Variants in COL4A4 observed in about 807,000 individuals in gnomAD.
The protein encoded by COL4A4 is collagen alpha-4(IV) chain.
COL4A4 carries 105 observed loss-of-function variants against 192.9 expected under a neutral mutation model. The ratio of observed to expected loss-of-function variants is 0.54; its 90% confidence interval spans 0.46 to 0.64. The LOEUF (loss-of-function observed/expected upper bound fraction) is 0.64. COL4A4 is among the 30% of genes least tolerant of loss of function. The pLI, the probability that COL4A4 is intolerant of heterozygous loss-of-function variation, is 0.00. For synonymous variants in COL4A4, 762 were observed against 769.9 expected, an observed-to-expected ratio of 0.99 and a Z score of 0.17; for missense variants, 1,967 against 2,169.3, an observed-to-expected ratio of 0.91 and a Z score of 1.85.
chr2:227,098,005 C>T (rs773196072), intron 19 of COL4A4, among the ~76,000 whole-genome samples: 17 of 152,180 alleles, frequency 1.1e-4, no homozygotes, highest in Non-Finnish European at 1.8e-4. Flanking sequence ...TATTAACCAG[C>T]GCAGCACCTG....
chr2:227,106,297 C>G (rs1483280932), intron 12 of COL4A4, among the ~76,000 whole-genome samples: 1 of 152,036 alleles, frequency 6.6e-6, no homozygotes, highest in African/African-American at 2.4e-5. Flanking sequence ...TTGAGATAAA[C>G]CTGAACAAAA....
At chr2:227,136,119 T>G (rs188262384) in intron 4 of COL4A4, among the ~76,000 whole-genome samples, 12 of 152,302 alleles carry the variant, frequency 7.9e-5, no homozygotes, top group Admixed American at 7.8e-4. Context: ...ACGTTTTACT[T>G]GTGTTCTCAT....
chr2:227,009,674 G>A (rs1963112802), intron 46 of COL4A4, among the ~76,000 whole-genome samples: 1 of 146,528 alleles, frequency 6.8e-6, no homozygotes, highest in Non-Finnish European at 1.5e-5. Context: ...CTCCAGCCTG[G>A]GCAACAGAGC....
At chr2:227,087,576 T>C (rs1380690311) in intron 22 of COL4A4, among the ~76,000 whole-genome samples, 1 of 152,136 alleles carries the variant, frequency 6.6e-6, no homozygotes, top group Non-Finnish European at 1.5e-5. Context: ...CTTCAAAATA[T>C]ATCCAGAATC....
At chr2:227,033,322 G>T in intron 38 of COL4A4, 88 bp downstream of exon 38, 1 of 1,123,916 alleles carries the variant, frequency 8.9e-7, no homozygotes, top group Non-Finnish European at 1.3e-6. Flanking sequence ...CAAATCTCAT[G>T]AAGTGCAGAA....
intron 37 of COL4A4, among the ~76,000 whole-genome samples, chr2:227,041,846 A>AGAGAGAGAGAGAG (rs1971273307): frequency 4.3e-4 from 17 of 39,320 alleles, no homozygotes; most frequent in African/African-American, 1.9e-3. Context: ...GAAAGAAAGA[A>AGAGAGAGAGAGAG]AGAGAAAGAA....
At chr2:226,984,309 C>G in the COL4A4 span, among the ~76,000 whole-genome samples, 1 of 152,212 alleles carries the variant, frequency 6.6e-6, no homozygotes, top group Non-Finnish European at 1.5e-5. Flanking sequence ...GTTCTGGAGG[C>G]TAGAAGTTCC....
chr2:227,083,305 A>C (rs1419908127), intron 22 of COL4A4, among the ~76,000 whole-genome samples: 6 of 152,134 alleles, frequency 3.9e-5, no homozygotes, highest in African/African-American at 1.4e-4. Context: ...TTATAGAAAC[A>C]CTATACAGAG....
intron 27 of COL4A4, 130 bp from the exon 28 acceptor site, chr2:227,059,753 T>G: frequency 6.5e-6 from 5 of 767,230 alleles, no homozygotes; most frequent in Non-Finnish European, 1.1e-5. Flanking sequence ...AAGAGCAGTT[T>G]AACAGTAATG....
intron 1 of COL4A4, among the ~76,000 whole-genome samples, chr2:227,151,645 C>T (rs1443863750): frequency 6.6e-6 from 1 of 152,168 alleles, no homozygotes; most frequent in Non-Finnish European, 1.5e-5. Context: ...CCTGCACCTC[C>T]AATTCGTAGG....
intron 44 of COL4A4, among the ~76,000 whole-genome samples, chr2:227,018,564 G>A (rs935600762): frequency 2.0e-5 from 3 of 152,192 alleles, no homozygotes; most frequent in African/African-American, 7.2e-5. Context: ...GAAAGCAAGG[G>A]CTTGGGAGTG....
intron 4 of COL4A4, among the ~76,000 whole-genome samples, chr2:227,137,208 A>G (rs1007750158): frequency 6.6e-6 from 1 of 152,196 alleles, no homozygotes; most frequent in Non-Finnish European, 1.5e-5. Context: ...CACCATCTAC[A>G]CATGCAATGC....
chr2:227,104,439 G>A (rs1165216832), intron 12 of COL4A4, among the ~76,000 whole-genome samples: 25 of 129,972 alleles, frequency 1.9e-4, no homozygotes, highest in African/African-American at 6.1e-4. Flanking sequence ...AAAATTAGCC[G>A]GGCGTGGTGG....
intron 37 of COL4A4, among the ~76,000 whole-genome samples, chr2:227,041,864 A>AGAGAGAGAGAGAG (rs1559478704): frequency 1.8e-5 from 2 of 109,432 alleles, no homozygotes; most frequent in South Asian, 3.0e-4. Flanking sequence ...GAAAGAAAGA[A>AGAGAGAGAGAGAG]AGAAAGAAAG....
chr2:227,100,801 C>T lies in COL4A4; in HGVS notation c.1029+703G>A, dbSNP rs929642373. Among the ~76,000 whole-genome samples the T allele has an allele frequency of 7.5e-4, 111 of 147,866 alleles. 1 individual carries two copies. Among genetic ancestry groups the T allele is most frequent in the African/African-American group, 2.1e-3 (81 of 38,942 alleles). On this transcript the variant is annotated intron_variant, in intron 17 of 47. Coordinates refer to ENST00000396625, the MANE Select transcript of COL4A4 (RefSeq NM_000092.5). ...AATTATGGGGGGTGGGTCTTTCCTG[C>T]GCTATTCTTTTTTTTTTTTTTGAGA...
intron 30 of COL4A4, among the ~76,000 whole-genome samples, chr2:227,054,945 G>A (rs1362462598): frequency 4.0e-5 from 6 of 151,808 alleles, no homozygotes; most frequent in African/African-American, 9.7e-5. Context: ...GGGAGCCACC[G>A]CCCTTGGCTA....
intron 41 of COL4A4, among the ~76,000 whole-genome samples, chr2:227,029,838 G>C (rs557836741): frequency 6.6e-6 from 1 of 152,162 alleles, no homozygotes; most frequent in South Asian, 2.1e-4. Flanking sequence ...ATCTTTGCAG[G>C]AATATAAAAA....
chr2:227,121,370 G>A (rs544783299), intron 4 of COL4A4, among the ~76,000 whole-genome samples: 58 of 152,078 alleles, frequency 3.8e-4, no homozygotes, highest in African/African-American at 8.4e-4. Context: ...CAAGACCAGC[G>A]TGGGCAACAA....
chr2:226,977,041 T>C, the COL4A4 span, among the ~76,000 whole-genome samples: 1 of 152,174 alleles, frequency 6.6e-6, no homozygotes, highest in Non-Finnish European at 1.5e-5. Flanking sequence ...AAGGCTGGCC[T>C]CACAAGTGAG....
Sources: allele counts gnomAD v4.1 joint callset (sites outside exome capture counted in the v4.1 genomes callset), GRCh38; gene constraint gnomAD v4.1.1; transcripts MANE v1.5; gene names NCBI Gene and HGNC (gene_info 2026-07-23, HGNC 2026-07-21).